PARP8: variants seen among roughly 807,000 people sequenced by gnomAD.
The protein encoded by PARP8 is protein mono-ADP-ribosyltransferase PARP8.
A neutral mutation model predicts 124.1 loss-of-function variants in PARP8; 51 were observed. The observed-to-expected ratio is 0.41, with a 90% CI of 0.33 to 0.52. The LOEUF is 0.52. Ranked by LOEUF, PARP8 falls within the 20% of genes least tolerant of loss-of-function variation. The pLI is 0.21. For synonymous variants in PARP8, 391 were observed against 361.5 expected (o/e 1.08, Z -0.93); for missense variants, 860 against 1,018.9 (o/e 0.84, Z 2.12).
intron 2 of PARP8, among the ~76,000 whole-genome samples, chr5:50,737,757 C>T (rs1163347247): frequency 6.6e-6 from 1 of 152,162 alleles, no homozygotes; most frequent in Non-Finnish European, 1.5e-5. Flanking sequence ...GTAATCATAA[C>T]TGTCTTGTTA....
intron 3 of PARP8, among the ~76,000 whole-genome samples, chr5:50,755,565 A>G (rs1443190041): frequency 1.3e-5 from 2 of 151,994 alleles, no homozygotes; most frequent in Non-Finnish European, 2.9e-5. Flanking sequence ...CCAGTACCAT[A>G]CTGTTTTGGT....
intron 2 of PARP8, among the ~76,000 whole-genome samples, chr5:50,737,709 T>G (rs753812240): frequency 2.0e-5 from 3 of 152,166 alleles, no homozygotes; most frequent in Non-Finnish European, 4.4e-5. Context: ...AAATCTACAT[T>G]TAGAGCTTAG....
chr5:50,673,794 C>T (rs1750311772), intron 2 of PARP8, among the ~76,000 whole-genome samples: 1 of 152,216 alleles, frequency 6.6e-6, no homozygotes, highest in African/African-American at 2.4e-5. Flanking sequence ...GCTGTGGAAT[C>T]CTTATGCAAA....
At chr5:50,758,874 T>TCTACA (rs1760243715) in intron 3 of PARP8, among the ~76,000 whole-genome samples, 1 of 151,542 alleles carries the variant, frequency 6.6e-6, no homozygotes, top group Non-Finnish European at 1.5e-5. Flanking sequence ...AAACAAATAG[T>TCTACA]GAATAAGAAA....
chr5:50,691,977 C>T (rs1273299334), intron 2 of PARP8, among the ~76,000 whole-genome samples: 1 of 152,166 alleles, frequency 6.6e-6, no homozygotes, highest in East Asian at 1.9e-4. Flanking sequence ...ATGGTGGCTA[C>T]TTTCCATTCC....
At chr5:50,696,249 G>T (rs1230736127) in intron 2 of PARP8, among the ~76,000 whole-genome samples, 1 of 152,250 alleles carries the variant, frequency 6.6e-6, no homozygotes, top group East Asian at 1.9e-4. Context: ...ATAGCAAAAA[G>T]AAAATACATT....
At chr5:50,781,718 G>GT (rs1213793163) in intron 9 of PARP8, among the ~76,000 whole-genome samples, 3 of 152,114 alleles carry the variant, frequency 2.0e-5, no homozygotes, top group Non-Finnish European at 2.9e-5. Context: ...GTACTTGGCA[G>GT]TTTTTTTAAT....
intron 2 of PARP8, among the ~76,000 whole-genome samples, chr5:50,677,051 C>T (rs1461432864): frequency 2.0e-5 from 3 of 152,076 alleles, no homozygotes; most frequent in African/African-American, 7.2e-5. Flanking sequence ...TTCAGGAAAA[C>T]GAGTGGAGCC....
chr5:50,839,810 A>G (rs1287823086), intron 25 of PARP8, among the ~76,000 whole-genome samples: 1 of 151,846 alleles, frequency 6.6e-6, no homozygotes, highest in Non-Finnish European at 1.5e-5. Context: ...CTTCTCCACT[A>G]ACTTCTAATG....
At chr5:50,801,642 T>A (rs1428076616) in intron 14 of PARP8, among the ~76,000 whole-genome samples, 1 of 152,232 alleles carries the variant, frequency 6.6e-6, no homozygotes, top group Non-Finnish European at 1.5e-5. Context: ...AAGAACAGAT[T>A]CTTCATTTCA....
At chr5:50,701,724 G>A (rs776748640) in intron 2 of PARP8, among the ~76,000 whole-genome samples, 34 of 152,086 alleles carry the variant, frequency 2.2e-4, no homozygotes, top group Non-Finnish European at 4.4e-4. Context: ...GCTTTTCTGC[G>A]TAGATATAGC....
intron 7 of PARP8, among the ~76,000 whole-genome samples, chr5:50,764,996 T>A (rs1394660218): frequency 6.6e-6 from 1 of 152,008 alleles, no homozygotes; most frequent in Non-Finnish European, 1.5e-5. Flanking sequence ...GCGCGGTGGC[T>A]CATGCCTGTA....
At chr5:50,765,117 C>T (rs1400702130) in intron 7 of PARP8, among the ~76,000 whole-genome samples, 2 of 151,780 alleles carry the variant, frequency 1.3e-5, no homozygotes, top group East Asian at 1.9e-4. Context: ...CAAAATTAGC[C>T]GGGCATGGTG....
intron 2 of PARP8, among the ~76,000 whole-genome samples, chr5:50,749,646 T>C (rs766722025): frequency 1.3e-5 from 2 of 152,222 alleles, no homozygotes; most frequent in East Asian, 1.9e-4. Context: ...TGATGAAAGA[T>C]TGATAATATT....
chr5:50,732,428 T>A (rs567180240), intron 2 of PARP8, among the ~76,000 whole-genome samples: 1 of 152,300 alleles, frequency 6.6e-6, no homozygotes, highest in African/African-American at 2.4e-5. Context: ...TAAAAACGGT[T>A]CAAAGAAAGT....
chr5:50,700,194 G>A (rs997710042), intron 2 of PARP8, among the ~76,000 whole-genome samples: 6 of 152,236 alleles, frequency 3.9e-5, no homozygotes, highest in African/African-American at 1.4e-4. Flanking sequence ...TCTGGAAAAA[G>A]TAATTGCACT....
chr5:50,751,184 G>T (rs1759218689), intron 3 of PARP8, among the ~76,000 whole-genome samples: 1 of 152,126 alleles, frequency 6.6e-6, no homozygotes, highest in Non-Finnish European at 1.5e-5. Flanking sequence ...AGCACAGGAT[G>T]TATGGTAGAA....
In PARP8 at chr5:50,844,661, A is replaced by G. The variant is rs1482069586; in HGVS notation, c.*2593A>G. The G allele has an allele frequency of 6.6e-6, 1 of 151,794 alleles. No individual in the cohort carries two copies. Among genetic ancestry groups the G allele is most frequent in the Non-Finnish European group, 1.5e-5 (1 of 67,794 alleles). The allele number at this position is 151,794 out of a possible 1,614,324, so 9.4% of individuals were successfully genotyped here. A position where few individuals can be genotyped will look rare whatever the true frequency, so the allele number is the denominator to read the frequency against. ...TTTTATTAATTGTGTAGCCATTGCT[A>G]CTTAGATAGTAACCCACTGAGCAAA... On this transcript the variant is annotated 3_prime_UTR_variant, in exon 26 of 26. Coordinates refer to ENST00000281631, the MANE Select transcript of PARP8 (RefSeq NM_024615.4).
At chr5:50,735,549 C>A (rs1222804416) in intron 2 of PARP8, among the ~76,000 whole-genome samples, 3 of 152,096 alleles carry the variant, frequency 2.0e-5, no homozygotes, top group African/African-American at 7.2e-5. Context: ...AAACAGACTT[C>A]AGTTAATTGG....
Sources: gnomAD v4.1 joint callset for allele counts (sites outside exome capture counted in the v4.1 genomes callset) on GRCh38, gnomAD v4.1.1 for gene constraint, MANE v1.5 for transcripts, NCBI Gene and HGNC (gene_info 2026-07-23, HGNC 2026-07-21) for gene names.